SMG1: variants seen among roughly 807,000 people sequenced by gnomAD.
SMG1 encodes serine/threonine-protein kinase SMG1.
A neutral mutation model predicts 419.9 loss-of-function variants in SMG1; 22 were observed. The observed-to-expected ratio is 0.05, with a 90% CI of 0.04 to 0.07. SMG1 has a LOEUF of 0.07. Among genes scored for constraint, SMG1 ranks in the 10% least tolerant of loss-of-function variants. SMG1 has a pLI of 1.00. For synonymous variants in SMG1, 1,538 were observed against 1,553.5 expected, an observed-to-expected ratio of 0.99 and a Z score of 0.23; for missense variants, 3,185 against 4,342.0, an observed-to-expected ratio of 0.73 and a Z score of 7.49.
intron 39 of SMG1, among the ~76,000 whole-genome samples, chr16:18,844,843 C>T (rs1043342062): frequency 1.3e-4 from 20 of 151,918 alleles, no homozygotes; most frequent in African/African-American, 4.6e-4. Context: ...GTAATAAGCT[C>T]CCCCAACTAA....
intron 18 of SMG1, 38 bp from the exon 19 acceptor site, chr16:18,870,032 T>C: frequency 2.7e-6 from 4 of 1,462,630 alleles, no homozygotes; most frequent in Non-Finnish European, 3.7e-6. Flanking sequence ...CAAAATATTT[T>C]AGCTTAAAAG....
intron 48 of SMG1, among the ~76,000 whole-genome samples, chr16:18,835,717 A>G (rs529910356): frequency 6.6e-6 from 1 of 152,276 alleles, no homozygotes; most frequent in African/African-American, 2.4e-5. Context: ...CAGCCTGGCC[A>G]ATATAGTGAA....
intron 1 of SMG1, chr16:18,900,001 A>T (rs1442274216): frequency 6.5e-7 from 1 of 1,530,338 alleles, no homozygotes; most frequent in Admixed American, 2.0e-5. Context: ...AAAATCGCAT[A>T]CTGTATAATA....
chr16:18,852,284 G>A (rs768357566), intron 32 of SMG1, 34 bp downstream of exon 32: 3 of 1,604,344 alleles, frequency 1.9e-6, no homozygotes, highest in Non-Finnish European at 2.6e-6. Flanking sequence ...ATCTATTTAT[G>A]CAATGCATAA....
At position 18,819,583 on chromosome 16, in the gene SMG1, C is replaced by T; in HGVS notation, c.9813G>A (p.Leu3271=). 1.3e-6 allele frequency: 2 copies of T among 1,599,142 alleles called. No homozygotes were observed. Among genetic ancestry groups the T allele is most frequent in the Non-Finnish European group, 1.7e-6 (2 of 1,172,318 alleles). ...CTTCAAAATCTTGTAGTACAGGGGCCAATGCAGGGTTGGCACCACCTGCCC... is the reference window on the plus strand; with the variant it reads ...CTTCAAAATCTTGTAGTACAGGGGCTAATGCAGGGTTGGCACCACCTGCCC... ...LKWAGGANPA[L]APVLQDFEAT... The change falls in exon 56 of 63, where the codon TTG becomes TTA. Residue 3271 remains leucine, a synonymous_variant. Coordinates refer to ENST00000446231, the MANE Select transcript of SMG1 (RefSeq NM_015092.5).
chr16:18,899,284 C>A (rs1460016569), intron 1 of SMG1, among the ~76,000 whole-genome samples: 2 of 152,008 alleles, frequency 1.3e-5, no homozygotes, highest in Admixed American at 1.3e-4. Flanking sequence ...AGCCGCTTCC[C>A]CGTTGGTTAG....
rs566442227 is a variant in SMG1 at position 18,839,765 on chromosome 16, G to A, written c.6878C>T (p.Pro2293Leu). The change falls in exon 42 of 63, where the codon CCG becomes CTG. Residue 2293 changes from proline to leucine, a missense_variant. Pro to Leu is a moderately conservative substitution (Grantham distance 98, BLOSUM62 -3). Transcript: ENST00000446231. ...VLEELMEATP[P>L]NLLAKELWSS... ...CCAGAGCTCTTTGGCAAGGAGATTC[G>A]GGGGTGTGGCCTCCATTAACTCTTC... 9 of 1,613,906 alleles carry A rather than the reference G, an allele frequency of 5.6e-6. No homozygotes were observed. Among genetic ancestry groups the A allele is most frequent in the African/African-American group, 2.7e-5 (2 of 75,008 alleles).
At chr16:18,830,171 A>G in intron 52 of SMG1, 48 bp downstream of exon 52, 4 of 1,609,620 alleles carry the variant, frequency 2.5e-6, no homozygotes, top group Non-Finnish European at 2.5e-6. Flanking sequence ...CAACTGAACA[A>G]CTACTTTATG....
intron 3 of SMG1, 109 bp from the exon 4 acceptor site, chr16:18,892,463 C>A (rs1596610715): frequency 2.3e-6 from 2 of 867,918 alleles, no homozygotes; most frequent in African/African-American, 3.4e-5. Context: ...ATTATGGTGG[C>A]TCATGCCTGT....
intron 60 of SMG1, among the ~76,000 whole-genome samples, chr16:18,814,393 G>GGAAGCTGAGGCAGGAGAATTGCTT (rs1183235302): frequency 1.3e-5 from 2 of 151,466 alleles, no homozygotes; most frequent in Non-Finnish European, 2.9e-5. Context: ...AAGCTACTCA[G>GGAAGCTGAGGCAGGAGAATTGCTT]GAAGCTGAGG....
chr16:18,863,593 G>A, intron 25 of SMG1, 57 bp downstream of exon 25: 1 of 1,469,020 alleles, frequency 6.8e-7, no homozygotes, highest in East Asian at 2.3e-5. Context: ...TCTTGCCATA[G>A]GAAAAACATC....
chr16:18,879,880 T>C (rs1206917955), intron 10 of SMG1, among the ~76,000 whole-genome samples, 161 bp from the exon 11 acceptor site: 1 of 152,252 alleles, frequency 6.6e-6, no homozygotes, highest in Admixed American at 6.5e-5. Flanking sequence ...AATAATGATA[T>C]CTTTAGTACA....
chr16:18,809,522 G>T lies in SMG1; in HGVS notation c.*47C>A. ...GATGCCTGAGGCTGAGTTGATTCTG[G>T]TGGATGTCTGACCTCGCTTAACCAG... On this transcript the variant is annotated 3_prime_UTR_variant, in exon 63 of 63. Transcript: ENST00000446231. 7.0e-7 allele frequency: 1 copy of T among 1,434,482 alleles called. No homozygotes were observed. The allele number at this position is 1,434,482 out of a possible 1,614,324, so 88.9% of individuals were successfully genotyped here.
chr16:18,873,982 C>A (rs183495569), intron 13 of SMG1, among the ~76,000 whole-genome samples: 11 of 152,330 alleles, frequency 7.2e-5, no homozygotes, highest in African/African-American at 2.2e-4. Context: ...ATTGTGACTT[C>A]AAACATAAGC....
At chr16:18,849,526 G>C (rs2034474649) in intron 35 of SMG1, 148 bp from the exon 36 acceptor site, 4 of 789,430 alleles carry the variant, frequency 5.1e-6, no homozygotes, top group Non-Finnish European at 5.9e-6. Context: ...TGATAATAAA[G>C]AACCATACAC....
Position 18,862,531 on chromosome 16 carries a change from C to T in SMG1, c.3695+1119G>A, listed in dbSNP as rs1567385367. On this transcript the variant is annotated intron_variant, in intron 25 of 62. Coordinates refer to ENST00000446231, the MANE Select transcript of SMG1 (RefSeq NM_015092.5). Reference sequence around the variant, plus strand: ...ACCCAACAATCTCATCTGCACATTTCATTACAAATCTTAAAACATGGCTTG... The same window carrying T: ...ACCCAACAATCTCATCTGCACATTTTATTACAAATCTTAAAACATGGCTTG... Among the ~76,000 whole-genome samples the T allele has an allele frequency of 2.0e-5, 3 of 152,232 alleles. No homozygotes were observed. The South Asian group carries it at 6.2e-4, about 31-fold the overall frequency.
At chr16:18,877,027 T>C in intron 12 of SMG1, 104 bp downstream of exon 12, 2 of 784,718 alleles carry the variant, frequency 2.5e-6, no homozygotes, top group South Asian at 1.6e-5. Flanking sequence ...AAATCAAACA[T>C]TTCACATTTC....
Position 18,850,101 on chromosome 16 carries a change from C to T in SMG1, c.5309G>A (p.Arg1770Lys). The stretch of plus-strand genomic sequence containing the variant: ...TTCCACTCTGTGACTTAAATGCAGC[C>T]TAGGGTCATCCTCATCTAAAGGAAT... ...GQIPLDEDDP[R>K]LHLSHRVEQS... The change falls in exon 35 of 63, where the codon AGG (arginine) becomes AAG (lysine). Residue 1770 changes from arginine (R) to lysine (K), a missense_variant. Transcript: ENST00000446231. 1 of 1,613,858 alleles carries T rather than the reference C, an allele frequency of 6.2e-7. No homozygotes were observed. Among genetic ancestry groups the T allele is most frequent in the Non-Finnish European group, 8.5e-7 (1 of 1,179,838 alleles).
At chr16:18,871,917 A>G (rs966379836) in intron 15 of SMG1, among the ~76,000 whole-genome samples, 3 of 151,998 alleles carry the variant, frequency 2.0e-5, no homozygotes, top group Non-Finnish European at 2.9e-5. Context: ...AAAGCAAAGA[A>G]TATTAAAAAT....
Sources: gnomAD v4.1 joint callset for allele counts (sites outside exome capture counted in the v4.1 genomes callset) on GRCh38, gnomAD v4.1.1 for gene constraint, MANE v1.5 for transcripts, NCBI Gene and HGNC (gene_info 2026-07-23, HGNC 2026-07-21) for gene names.